The following COL21A1 variants were observed in gnomAD, a reference collection of about 807,000 sequenced individuals.
COL21A1 encodes collagen alpha-1(XXI) chain.
In COL21A1, 149 loss-of-function variants were observed where a neutral mutation model predicts 137.9. The observed-to-expected ratio is 1.08, with a 90% CI of 0.95 to 1.24. The LOEUF (loss-of-function observed/expected upper bound fraction) is 1.24, where lower values mean the gene tolerates loss of function less well. Among genes scored for constraint, COL21A1 ranks in the 50% most tolerant of loss-of-function variants. The probability of loss-of-function intolerance (pLI) is 0.00; values close to 1 mark genes in which losing one functional copy is unlikely to be tolerated. For synonymous variants in COL21A1, 456 were observed against 391.5 expected, an observed-to-expected ratio of 1.16 and a Z score of -1.95; for missense variants, 1,167 against 1,158.4, an observed-to-expected ratio of 1.01 and a Z score of -0.11.
chr6:56,252,785 G>T (rs1582733760), intron 1 of COL21A1, among the ~76,000 whole-genome samples: 1 of 152,108 alleles, frequency 6.6e-6, no homozygotes, highest in Non-Finnish European at 1.5e-5. Flanking sequence ...AAATCAGGAT[G>T]CTGTTACCAT....
chr6:56,359,814 A>G (rs373663474), intron 1 of COL21A1, among the ~76,000 whole-genome samples: 1 of 152,322 alleles, frequency 6.6e-6, no homozygotes, highest in African/African-American at 2.4e-5. Context: ...GAAAAGCAAG[A>G]CAAAGGAGAA....
chr6:56,144,280 G>A (rs1434324438), intron 10 of COL21A1, among the ~76,000 whole-genome samples: 1 of 152,180 alleles, frequency 6.6e-6, no homozygotes, highest in South Asian at 2.1e-4. Flanking sequence ...TAAGTTGATA[G>A]AGCCAGTGGG....
chr6:56,065,188 T>C (rs1766135213), intron 23 of COL21A1, among the ~76,000 whole-genome samples: 1 of 152,082 alleles, frequency 6.6e-6, no homozygotes, highest in Non-Finnish European at 1.5e-5. Flanking sequence ...CATGGGACAT[T>C]ATGCTAGACT....
At chr6:56,058,272 A>C (rs557426241) in intron 29 of COL21A1, among the ~76,000 whole-genome samples, 1 of 152,150 alleles carries the variant, frequency 6.6e-6, no homozygotes, top group African/African-American at 2.4e-5. Flanking sequence ...TCTATTATAC[A>C]TATTTTTAGT....
intron 1 of COL21A1, among the ~76,000 whole-genome samples, chr6:56,303,603 G>A (rs1562047114): frequency 1.3e-5 from 2 of 152,180 alleles, no homozygotes; most frequent in South Asian, 4.1e-4. Flanking sequence ...CTTTGCTGAA[G>A]TTGCCTATCA....
intron 1 of COL21A1, among the ~76,000 whole-genome samples, chr6:56,301,786 T>A (rs544262459): frequency 8.5e-5 from 13 of 152,268 alleles, no homozygotes; most frequent in African/African-American, 3.1e-4. Flanking sequence ...TGTATACATG[T>A]GCCATGCTGG....
intron 1 of COL21A1, among the ~76,000 whole-genome samples, chr6:56,191,617 G>A (rs1332460676): frequency 6.8e-6 from 1 of 146,770 alleles, no homozygotes; most frequent in Admixed American, 6.8e-5. Context: ...AATCCAGAGA[G>A]CCAAATCATG....
intron 1 of COL21A1, among the ~76,000 whole-genome samples, chr6:56,326,578 T>A (rs4288206): frequency 1.3e-5 from 2 of 152,036 alleles, no homozygotes; most frequent in South Asian, 4.1e-4. Context: ...ATCACACTAA[T>A]GTGAGATAGC....
intron 9 of COL21A1, among the ~76,000 whole-genome samples, chr6:56,157,220 G>A (rs1775824446): frequency 6.6e-6 from 1 of 151,810 alleles, no homozygotes; most frequent in South Asian, 2.1e-4. Context: ...GCACATTTAT[G>A]GTAGGATACA....
chr6:56,062,969 C>A (rs1765941310), intron 24 of COL21A1, among the ~76,000 whole-genome samples: 1 of 152,030 alleles, frequency 6.6e-6, no homozygotes, highest in Non-Finnish European at 1.5e-5. Flanking sequence ...AAAACGAGGG[C>A]CAAAAAATAC....
chr6:56,161,442 G>A (rs1458170239), intron 9 of COL21A1, among the ~76,000 whole-genome samples: 2 of 152,168 alleles, frequency 1.3e-5, no homozygotes, highest in Non-Finnish European at 1.5e-5. Flanking sequence ...GATCTTTCTC[G>A]CAGAACAGAA....
chr6:56,166,998 C>T lies in COL21A1; in HGVS notation c.1201-15G>A, dbSNP rs772178384. ...TGGACATCAAACTAAGAACATAAAC[C>T]CAGTAGAATTAAAGTTGAGGCACAA... On this transcript the variant is annotated splice_polypyrimidine_tract_variant and intron_variant, in intron 6 of 29. Coordinates refer to ENST00000244728, the MANE Select transcript of COL21A1 (RefSeq NM_030820.4). 6.3e-7 allele frequency: 1 copy of T among 1,598,412 alleles called. No homozygotes were observed. Among genetic ancestry groups the T allele is most frequent in the Non-Finnish European group, 8.6e-7 (1 of 1,169,396 alleles).
chr6:56,068,780 G>A (rs1766481285), intron 22 of COL21A1: 1 of 261,470 alleles, frequency 3.8e-6, no homozygotes, highest in African/African-American at 2.2e-5. Context: ...GAATTTACAG[G>A]ATATTACTTA....
chr6:56,280,507 C>T (rs1005679903), intron 1 of COL21A1, among the ~76,000 whole-genome samples: 6 of 152,198 alleles, frequency 3.9e-5, no homozygotes, highest in African/African-American at 1.2e-4. Flanking sequence ...TATTCCTACC[C>T]TTGAGGGGCT....
At chr6:56,074,360 A>C (rs1220793464) in intron 19 of COL21A1, 75 bp from the exon 20 acceptor site, 2 of 947,980 alleles carry the variant, frequency 2.1e-6, no homozygotes, top group African/African-American at 3.4e-5. Context: ...TTTCCAAGTT[A>C]CACATTCTCA....
chr6:56,331,787 A>G (rs1765231251), intron 1 of COL21A1: 1 of 140,556 alleles, frequency 7.1e-6, no homozygotes, highest in African/African-American at 2.5e-5. Context: ...CCAAAATGTG[A>G]ACATAAATAT....
rs149315976 is a variant in COL21A1, at chr6:56,253,916, C to T, written c.-38-71260G>A. Among the ~76,000 whole-genome samples the T allele has an allele frequency of 1.8e-3, 269 of 152,280 alleles. 1 individual carries two copies. The highest frequency in any genetic ancestry group is 5.3e-3 in the African/African-American group (221 of 41,546). On this transcript the variant is annotated intron_variant, in intron 1 of 28. Transcript: ENST00000370819. ...GTTAAGTAACCTGCAAGTCTTACTTCGGAAAGCATGTTCTTAGATCCAGAT... is the reference window on the plus strand; with the variant it reads ...GTTAAGTAACCTGCAAGTCTTACTTTGGAAAGCATGTTCTTAGATCCAGAT...
At chr6:56,166,870 G>A (rs1465771123) in intron 7 of COL21A1, 36 bp downstream of exon 7, 9 of 1,490,212 alleles carry the variant, frequency 6.0e-6, no homozygotes, top group Non-Finnish European at 8.4e-6. Flanking sequence ...AAGTACTAAA[G>A]CAACATCTGG....
chr6:56,179,679 C>CT lies in COL21A1; in HGVS notation c.538dup (p.Arg180LysfsTer34). On this transcript the variant is annotated frameshift_variant, in exon 3 of 30. Coordinates refer to ENST00000244728, the MANE Select transcript of COL21A1 (RefSeq NM_030820.4). LOFTEE classifies it high-confidence loss of function. ...AGACGAAGGCTTGTTGGCAATAGCT[C>CT]TAAGTTCGGCATCTTCTGTTTCTGA... is the stretch of plus-strand genomic sequence containing the variant. 1 of 1,613,946 alleles carries CT rather than the reference C, an allele frequency of 6.2e-7. No individual in the cohort carries two copies. The highest frequency in any genetic ancestry group is 1.7e-5 in the Admixed American group (1 of 60,006).
Sources: allele counts gnomAD v4.1 joint callset (sites outside exome capture counted in the v4.1 genomes callset), GRCh38; gene constraint gnomAD v4.1.1; transcripts MANE v1.5; gene names NCBI Gene and HGNC (gene_info 2026-07-23, HGNC 2026-07-21).